The following ANKS1B variants were observed in gnomAD, a reference collection of about 807,000 sequenced individuals.
ANKS1B encodes ankyrin repeat and sterile alpha motif domain-containing protein 1B.
A neutral mutation model predicts 148.3 loss-of-function variants in ANKS1B; 36 were observed. That is an observed-to-expected ratio of 0.24 (90% CI 0.19 to 0.32). The LOEUF (loss-of-function observed/expected upper bound fraction) is 0.32. ANKS1B is among the 10% of genes least tolerant of loss of function. The pLI is 1.00. For synonymous variants in ANKS1B, 542 were observed against 560.8 expected, an observed-to-expected ratio of 0.97 and a Z score of 0.47; for missense variants, 1,157 against 1,542.6, an observed-to-expected ratio of 0.75 and a Z score of 4.19.
At chr12:99,852,633 GAGC>G (rs1293537847) in intron 1 of ANKS1B, among the ~76,000 whole-genome samples, 5 of 152,194 alleles carry the variant, frequency 3.3e-5, no homozygotes, top group African/African-American at 1.2e-4. Flanking sequence ...CGGATGTACA[GAGC>G]AGCATGTGGA....
chr12:98,900,123 T>A (rs1029629174), intron 17 of ANKS1B, among the ~76,000 whole-genome samples: 5 of 152,198 alleles, frequency 3.3e-5, no homozygotes, highest in Non-Finnish European at 7.3e-5. Context: ...TCTCAACAGA[T>A]CCATATAGAT....
chr12:99,329,390 A>G (rs545106202), intron 12 of ANKS1B, among the ~76,000 whole-genome samples: 1 of 152,024 alleles, frequency 6.6e-6, no homozygotes, highest in East Asian at 1.9e-4. Flanking sequence ...ATTATAAATG[A>G]TGTTGTAATG....
In ANKS1B at chr12:99,652,139, A is replaced by G. The variant is rs548971464; in HGVS notation, c.1272+2928T>C. On this transcript the variant is annotated intron_variant, in intron 9 of 26. Coordinates refer to ENST00000683438, the MANE Select transcript of ANKS1B (RefSeq NM_001352186.2). ...AATGCTAAAGGATAGCCCTTAAACA[A>G]TAATATTCACAGACACACACACACA... Among the ~76,000 whole-genome samples, 3 of 152,046 alleles carry G rather than the reference A, an allele frequency of 2.0e-5. 1 individual carries two copies. The East Asian group carries it at 5.8e-4, about 29-fold the overall frequency.
At chr12:99,826,462 G>T (rs2153684229) in intron 1 of ANKS1B, among the ~76,000 whole-genome samples, 1 of 152,244 alleles carries the variant, frequency 6.6e-6, no homozygotes, top group East Asian at 1.9e-4. Context: ...ATTAAAAGAA[G>T]AATTAATGAA....
intron 6 of ANKS1B, among the ~76,000 whole-genome samples, chr12:99,778,079 A>G (rs1488923774): frequency 6.6e-6 from 1 of 151,880 alleles, no homozygotes; most frequent in East Asian, 2.0e-4. Context: ...GGGTGCCTGT[A>G]GTCCCAGCTA....
At chr12:99,272,858 A>C (rs759700632) in intron 12 of ANKS1B, among the ~76,000 whole-genome samples, 31 of 152,128 alleles carry the variant, frequency 2.0e-4, no homozygotes, top group Non-Finnish European at 4.4e-4. Context: ...TAATCTCTTG[A>C]AGTTGTTCAT....
At chr12:99,354,233 A>G (rs1177805368) in intron 12 of ANKS1B, among the ~76,000 whole-genome samples, 1 of 152,074 alleles carries the variant, frequency 6.6e-6, no homozygotes, top group Admixed American at 6.6e-5. Context: ...TTTTCTGTTC[A>G]TTAGAGACAA....
intron 11 of ANKS1B, among the ~76,000 whole-genome samples, chr12:99,416,120 T>C (rs1200432762): frequency 6.6e-6 from 1 of 152,238 alleles, no homozygotes; most frequent in Non-Finnish European, 1.5e-5. Flanking sequence ...ACACAGTATG[T>C]AACCTTTTAG....
At chr12:99,905,498 T>C (rs1468383291) in intron 1 of ANKS1B, among the ~76,000 whole-genome samples, 5 of 152,172 alleles carry the variant, frequency 3.3e-5, no homozygotes, top group Admixed American at 1.3e-4. Context: ...TCTAGGAGGT[T>C]CAATAAAGTG....
intron 9 of ANKS1B, among the ~76,000 whole-genome samples, chr12:99,614,425 ACT>A (rs1376673972): frequency 1.7e-4 from 22 of 132,074 alleles, no homozygotes; most frequent in Non-Finnish European, 3.1e-4. Context: ...ACAGAGTGAG[ACT>A]CTGTGTCAAA....
rs775877722 is a variant in ANKS1B, at chr12:99,650,935, A to G, written c.1272+4132T>C. On this transcript the variant is annotated intron_variant, in intron 9 of 26. Transcript: ENST00000683438. Reference sequence around the variant, plus strand: ...GAATGTATAGGTAACCTGGCCCCCAATTATGTCTGTATTGTTTCCATAACA... The same window carrying G: ...GAATGTATAGGTAACCTGGCCCCCAGTTATGTCTGTATTGTTTCCATAACA... Among the ~76,000 whole-genome samples, 8 of 152,110 alleles carry G rather than the reference A, an allele frequency of 5.3e-5. No homozygotes were observed. The East Asian group carries it at 7.7e-4, about 15-fold the overall frequency.
chr12:98,900,854 A>T (rs2099770983), intron 17 of ANKS1B, among the ~76,000 whole-genome samples: 1 of 152,138 alleles, frequency 6.6e-6, no homozygotes, highest in Non-Finnish European at 1.5e-5. Flanking sequence ...TAAATTAGAG[A>T]TGGACTCTAA....
At chr12:99,955,267 G>A (rs961180177) in intron 1 of ANKS1B, among the ~76,000 whole-genome samples, 2 of 152,038 alleles carry the variant, frequency 1.3e-5, no homozygotes, top group Non-Finnish European at 2.9e-5. Flanking sequence ...GTGCACATCA[G>A]AGCAGCCTTT....
intron 14 of ANKS1B, among the ~76,000 whole-genome samples, chr12:99,215,047 C>T (rs2101655): frequency 0.24 from 36,544 of 152,112 alleles, 4,547 homozygotes; most frequent in Middle Eastern, 0.27. Flanking sequence ...CAAGAGGTGA[C>T]TTTGGAGCTC....
intron 12 of ANKS1B, among the ~76,000 whole-genome samples, chr12:99,399,418 T>C (rs2094342836): frequency 1.3e-5 from 2 of 152,112 alleles, no homozygotes; most frequent in African/African-American, 4.8e-5. Flanking sequence ...CATTAAATCA[T>C]CATCTTTAAT....
At chr12:99,220,127 G>A (rs1368788343) in intron 14 of ANKS1B, among the ~76,000 whole-genome samples, 2 of 152,154 alleles carry the variant, frequency 1.3e-5, no homozygotes, top group African/African-American at 2.4e-5. Flanking sequence ...AGCCTCCAGA[G>A]TAGCTGAGAT....
chr12:99,901,190 T>C (rs1252869489), intron 1 of ANKS1B, among the ~76,000 whole-genome samples: 2 of 152,196 alleles, frequency 1.3e-5, no homozygotes, highest in South Asian at 2.1e-4. Flanking sequence ...AATTACTATA[T>C]AAACTAGACA....
intron 12 of ANKS1B, among the ~76,000 whole-genome samples, chr12:99,351,170 T>C (rs1246956173): frequency 1.3e-5 from 2 of 152,046 alleles, no homozygotes; most frequent in African/African-American, 2.4e-5. Flanking sequence ...TGAATTAAAA[T>C]AGGCAACACA....
intron 17 of ANKS1B, among the ~76,000 whole-genome samples, chr12:98,922,828 A>G (rs970425668): frequency 2.6e-5 from 4 of 152,152 alleles, no homozygotes; most frequent in Non-Finnish European, 5.9e-5. Flanking sequence ...TGTTGCATAC[A>G]CATGTAATTT....
Sources: allele counts gnomAD v4.1 joint callset (sites outside exome capture counted in the v4.1 genomes callset), GRCh38; gene constraint gnomAD v4.1.1; transcripts MANE v1.5; gene names NCBI Gene and HGNC (gene_info 2026-07-23, HGNC 2026-07-21).